The following HDAC9 variants were observed in gnomAD, a reference collection of about 807,000 sequenced individuals.
HDAC9 encodes histone deacetylase 9, also known as MEF-2 interacting transcription repressor (MITR) protein.
A neutral mutation model predicts 139.4 loss-of-function variants in HDAC9; 41 were observed. The observed-to-expected ratio is 0.29, with a 90% confidence interval of 0.23 to 0.38. The LOEUF (loss-of-function observed/expected upper bound fraction) is 0.38. Among genes scored for constraint, HDAC9 ranks in the 10% least tolerant of loss-of-function variants. The pLI, the probability that HDAC9 is intolerant of heterozygous loss-of-function variation, is 1.00. For missense variants in HDAC9, 1,147 were observed against 1,297.0 expected, an observed-to-expected ratio of 0.88 and a Z score of 1.78; for synonymous variants, 517 against 476.2, an observed-to-expected ratio of 1.09 and a Z score of -1.12.
chr7:18,892,258 G>C (rs1005310811), intron 22 of HDAC9: 1 of 152,098 alleles, frequency 6.6e-6, no homozygotes, highest in Non-Finnish European at 1.5e-5. Context: ...TCTCTATCTA[G>C]AATATCAAGA....
intron 1 of HDAC9, among the ~76,000 whole-genome samples, chr7:18,413,626 TCTTA>T (rs1039725276): frequency 4.6e-5 from 7 of 152,158 alleles, no homozygotes; most frequent in African/African-American, 9.7e-5. Context: ...ACTATATAAT[TCTTA>T]CTTTATACAA....
At chr7:18,663,897 C>T (rs1262406298) in intron 11 of HDAC9, among the ~76,000 whole-genome samples, 1 of 152,164 alleles carries the variant, frequency 6.6e-6, no homozygotes, top group Non-Finnish European at 1.5e-5. Context: ...GGTTGCAGCA[C>T]TGACTGATAG....
At chr7:18,488,330 A>G (rs1401116248) in intron 1 of HDAC9, among the ~76,000 whole-genome samples, 1 of 152,032 alleles carries the variant, frequency 6.6e-6, no homozygotes, top group African/African-American at 2.4e-5. Context: ...CTTAAAGGAA[A>G]AGCAAGGTTT....
At chr7:18,881,301 A>G (rs1185744743) in intron 22 of HDAC9, among the ~76,000 whole-genome samples, 2 of 152,150 alleles carry the variant, frequency 1.3e-5, no homozygotes, top group Non-Finnish European at 1.5e-5. Flanking sequence ...TTCCTCATCT[A>G]TGAGACATAT....
At position 18,999,259 on chromosome 7, in the gene HDAC9, G is replaced by C. The variant is rs1563122791; in HGVS notation, c.*3197G>C. Reference sequence around the variant, plus strand: ...CACTGACAACATCATGGCCTTGAAAGCAGGGATCTCCTCCCACAAAGGCTT... The same window carrying C: ...CACTGACAACATCATGGCCTTGAAACCAGGGATCTCCTCCCACAAAGGCTT... On this transcript the variant is annotated 3_prime_UTR_variant, in exon 26 of 26. Coordinates refer to ENST00000686413, the MANE Select transcript of HDAC9 (RefSeq NM_178425.4). The C allele has an allele frequency of 6.6e-6, 1 of 152,156 alleles. No individual in the cohort carries two copies. The highest frequency in any genetic ancestry group is 2.4e-5 in the African/African-American group (1 of 41,414). 9.4% of individuals were successfully genotyped at this position (152,156 alleles called of 1,614,324 possible).
intron 2 of HDAC9, among the ~76,000 whole-genome samples, chr7:18,541,277 C>A (rs1812845564): frequency 6.7e-6 from 1 of 149,032 alleles, no homozygotes; most frequent in South Asian, 2.1e-4. Context: ...TGGATGGGTG[C>A]CTTTTGCTTT....
Position 18,935,921 on chromosome 7 carries a change from A to G in HDAC9, c.2916A>G (p.Val972=), listed in dbSNP as rs375447175. 187 of 1,613,266 alleles carry G rather than the reference A, an allele frequency of 1.2e-4. No homozygotes were observed. Among genetic ancestry groups the G allele is most frequent in the Non-Finnish European group, 1.6e-4 (183 of 1,179,442 alleles). Residue 972 remains valine, a synonymous_variant, in exon 23 of 26, where the codon GTA becomes GTG. Coordinates refer to ENST00000686413, the MANE Select transcript of HDAC9 (RefSeq NM_178425.4). ...TCTGTGATGCATCAGAAGCCTGTGT[A>G]AATGCCCTTCTAGGAAATGAGGTAA... ...TAICDASEAC[V]NALLGNELEP... is the part of the protein sequence containing the mutation.
chr7:18,984,037 G>A (rs1785129766), intron 25 of HDAC9, among the ~76,000 whole-genome samples: 1 of 151,838 alleles, frequency 6.6e-6, no homozygotes, highest in South Asian at 2.1e-4. Context: ...ATTAGATCAG[G>A]TCCTCCATGC....
At chr7:18,841,112 T>A (rs964174894) in intron 21 of HDAC9, among the ~76,000 whole-genome samples, 7 of 152,104 alleles carry the variant, frequency 4.6e-5, no homozygotes, top group Non-Finnish European at 1.0e-4. Flanking sequence ...TATTTTTCTC[T>A]CATTCTTATT....
In HDAC9 at chr7:18,659,249, CTT is replaced by C. The variant is rs765699012; in HGVS notation, c.1468-6963_1468-6962del. 2.8e-4 allele frequency among the ~76,000 whole-genome samples: 43 copies of C among 152,196 alleles called. 1 individual carries two copies. The highest frequency in any genetic ancestry group is 5.4e-4 in the Non-Finnish European group (37 of 67,994). ...ACATATGCTTATAGAGACTTATAGA[CTT>C]GTATCAAGTTATATAATTTACACAG... On this transcript the variant is annotated intron_variant, in intron 11 of 25. Transcript: ENST00000686413.
At chr7:18,809,082 A>T (rs1265166224) in intron 17 of HDAC9, among the ~76,000 whole-genome samples, 2 of 152,078 alleles carry the variant, frequency 1.3e-5, no homozygotes, top group African/African-American at 4.8e-5. Context: ...CAAGAATACA[A>T]AATGGGGAAA....
chr7:18,744,718 G>A lies in HDAC9; in HGVS notation c.1910-4287G>A, dbSNP rs564325851. 1.1e-3 allele frequency among the ~76,000 whole-genome samples: 166 copies of A among 152,060 alleles called. 1 individual carries two copies. Among genetic ancestry groups the A allele is most frequent in the African/African-American group, 3.8e-3 (159 of 41,486 alleles). On this transcript the variant is annotated intron_variant, in intron 13 of 25. Transcript: ENST00000686413. ...TATGGCTAAAAAATGACAACTACAT[G>A]CAATAAAGAAGGAAAGATACTACAC...
At position 18,592,942 on chromosome 7, in the gene HDAC9, C is replaced by T. The variant is rs73079464; in HGVS notation, c.543-966C>T. On this transcript the variant is annotated intron_variant, in intron 5 of 25. Transcript: ENST00000686413. ...AAACAGCTACATGCAAAGAATTTGTCGGTTAAAGTTCATTAGCTGTTCTCT... is the reference window on the plus strand; with the variant it reads ...AAACAGCTACATGCAAAGAATTTGTTGGTTAAAGTTCATTAGCTGTTCTCT... Among the ~76,000 whole-genome samples, 150 of 152,140 alleles carry T rather than the reference C, an allele frequency of 9.9e-4. 1 individual carries two copies. Among genetic ancestry groups the T allele is most frequent in the Non-Finnish European group, 1.3e-3 (87 of 67,946 alleles).
chr7:18,640,007 T>A (rs1017228309), intron 8 of HDAC9, among the ~76,000 whole-genome samples: 1 of 151,984 alleles, frequency 6.6e-6, no homozygotes, highest in East Asian at 1.9e-4. Context: ...ATATATATAT[T>A]TTTTCTTTTT....
chr7:18,422,061 C>A (rs1789669458), intron 1 of HDAC9, among the ~76,000 whole-genome samples: 1 of 152,150 alleles, frequency 6.6e-6, no homozygotes, highest in African/African-American at 2.4e-5. Context: ...TTCTATTCTA[C>A]TTTTACTCCA....
intron 12 of HDAC9, among the ~76,000 whole-genome samples, chr7:18,709,056 A>T (rs142959776): frequency 1.4e-3 from 202 of 148,848 alleles, no homozygotes; most frequent in African/African-American, 4.7e-3. Context: ...AGAAAAAAGA[A>T]CACTGGACTT....
chr7:18,212,710 G>A (rs1170979709), intron 2 of HDAC9, among the ~76,000 whole-genome samples: 1 of 152,164 alleles, frequency 6.6e-6, no homozygotes, highest in Non-Finnish European at 1.5e-5. Context: ...ATACTAAAAT[G>A]GCCAGGGAGC....
intron 11 of HDAC9, among the ~76,000 whole-genome samples, chr7:18,654,412 G>T (rs2129046236): frequency 6.6e-6 from 1 of 152,148 alleles, no homozygotes; most frequent in East Asian, 1.9e-4. Context: ...CTTTTATATG[G>T]AGGATCTACT....
At chr7:18,577,617 G>A (rs1380009245) in intron 2 of HDAC9, among the ~76,000 whole-genome samples, 3 of 152,122 alleles carry the variant, frequency 2.0e-5, no homozygotes, top group Non-Finnish European at 4.4e-5. Context: ...TTGGCAAGCA[G>A]GGACCACATT....
Sources: allele counts gnomAD v4.1 joint callset (sites outside exome capture counted in the v4.1 genomes callset), GRCh38; gene constraint gnomAD v4.1.1; transcripts MANE v1.5; gene names NCBI Gene and HGNC (gene_info 2026-07-23, HGNC 2026-07-21).